The following JPH3 variants were observed in gnomAD, a reference collection of about 807,000 sequenced individuals.
The protein encoded by JPH3 is junctophilin-3.
JPH3 carries 11 observed loss-of-function variants against 59.6 expected under a neutral mutation model. The observed-to-expected ratio is 0.18, with a 90% CI of 0.12 to 0.31. JPH3 has a LOEUF of 0.31. JPH3 is among the 10% of genes least tolerant of loss of function. The probability of loss-of-function intolerance (pLI) is 1.00; values close to 1 mark genes in which losing one functional copy is unlikely to be tolerated. For synonymous variants in JPH3, 673 were observed against 483.6 expected, an observed-to-expected ratio of 1.39 and a Z score of -5.14; for missense variants, 1,202 against 1,105.7, an observed-to-expected ratio of 1.09 and a Z score of -1.24.
chr16:87,622,733 A>G (rs1214053120), intron 1 of JPH3, among the ~76,000 whole-genome samples: 2 of 123,876 alleles, frequency 1.6e-5, no homozygotes, highest in East Asian at 2.4e-4. Flanking sequence ...CTCCTGATAA[A>G]TCAGACCCCC....
chr16:87,667,627 C>A (rs1467464255), intron 2 of JPH3, among the ~76,000 whole-genome samples: 1 of 152,142 alleles, frequency 6.6e-6, no homozygotes, highest in East Asian at 1.9e-4. Flanking sequence ...CCTGTGACAG[C>A]GGGGGGTCTT....
chr16:87,656,047 G>T (rs2032491558), intron 2 of JPH3, among the ~76,000 whole-genome samples: 1 of 152,226 alleles, frequency 6.6e-6, no homozygotes, highest in South Asian at 2.1e-4. Context: ...GGGATTATTG[G>T]CAAGCTGCAC....
rs1290208696 is a variant in JPH3 at position 87,603,054 on chromosome 16, C to G, written c.-93C>G. ...GTCCTCCTCTCCTCCGGAAAACGCTCGCGACCCAGGGCCGCCGGCGGCCGC... is the reference window on the plus strand; with the variant it reads ...GTCCTCCTCTCCTCCGGAAAACGCTGGCGACCCAGGGCCGCCGGCGGCCGC... On this transcript the variant is annotated 5_prime_UTR_variant, in exon 1 of 5. Coordinates refer to ENST00000284262, the MANE Select transcript of JPH3 (RefSeq NM_020655.4). The G allele has an allele frequency of 1.3e-6, 2 of 1,535,498 alleles. No homozygotes were observed. Among genetic ancestry groups the G allele is most frequent in the Non-Finnish European group, 8.8e-7 (1 of 1,131,182 alleles).
intron 1 of JPH3, among the ~76,000 whole-genome samples, chr16:87,636,144 C>T (rs968284844): frequency 2.6e-5 from 4 of 152,302 alleles, no homozygotes; most frequent in African/African-American, 7.2e-5. Flanking sequence ...CAGTTAGGTT[C>T]GATGGGACAG....
intron 1 of JPH3, among the ~76,000 whole-genome samples, chr16:87,621,464 G>C (rs928347310): frequency 5.9e-5 from 9 of 152,224 alleles, no homozygotes; most frequent in African/African-American, 2.2e-4. Context: ...GGGCCTGGGG[G>C]CTTCTGAATC....
rs555251663 is a variant in JPH3 at position 87,682,670 on chromosome 16, G to A, written c.1161-1472G>A. ...AAGCAATGTCTGCTATTGATGAGCC[G>A]CCCAAGCTGCGGTGCTTTGTTGCAG... On this transcript the variant is annotated intron_variant, in intron 2 of 4. Coordinates refer to ENST00000284262, the MANE Select transcript of JPH3 (RefSeq NM_020655.4). Among the ~76,000 whole-genome samples the A allele has an allele frequency of 1.2e-4, 19 of 152,314 alleles. No individual in the cohort carries two copies. The South Asian group carries it at 1.5e-3, about 12-fold the overall frequency.
At chr16:87,623,476 C>T (rs1339298756) in intron 1 of JPH3, among the ~76,000 whole-genome samples, 3 of 152,150 alleles carry the variant, frequency 2.0e-5, no homozygotes, top group Non-Finnish European at 4.4e-5. Flanking sequence ...ACAGAGTCAC[C>T]GATGTGGCCA....
chr16:87,604,249 C>G (rs1259086749), intron 1 of JPH3: 24 of 1,453,574 alleles, frequency 1.7e-5, no homozygotes, highest in Non-Finnish European at 2.1e-5. Context: ...GATGCCACCG[C>G]ATTCGGGGCA....
At chr16:87,616,151 C>T (rs1351573700) in intron 1 of JPH3, among the ~76,000 whole-genome samples, 1 of 148,946 alleles carries the variant, frequency 6.7e-6, no homozygotes, top group African/African-American at 2.5e-5. Flanking sequence ...CCGGGAACGA[C>T]ATTGTCTGAT....
intron 2 of JPH3, among the ~76,000 whole-genome samples, chr16:87,669,245 G>A (rs187727625): frequency 6.6e-6 from 1 of 152,296 alleles, no homozygotes; most frequent in Non-Finnish European, 1.5e-5. Flanking sequence ...GCATGTTAGT[G>A]GGATTTGGGG....
intron 2 of JPH3, among the ~76,000 whole-genome samples, chr16:87,664,947 C>T (rs1567606043): frequency 6.6e-6 from 1 of 152,206 alleles, no homozygotes; most frequent in Non-Finnish European, 1.5e-5. Flanking sequence ...ATTTGCCTGT[C>T]CCCTGAAACC....
intron 1 of JPH3, among the ~76,000 whole-genome samples, chr16:87,636,838 C>T (rs61639133): frequency 0.02 from 3,059 of 152,314 alleles, 104 homozygotes; most frequent in African/African-American, 0.07. Flanking sequence ...GAGGTGGGTG[C>T]GATTGTCACC....
intron 4 of JPH3, among the ~76,000 whole-genome samples, chr16:87,692,819 G>A (rs907353469): frequency 9.5e-4 from 144 of 152,312 alleles, no homozygotes; most frequent in East Asian, 1.5e-3. Flanking sequence ...CCTGCGGGCA[G>A]CCACGCCCTC....
At chr16:87,682,609 C>G (rs1173421739) in intron 2 of JPH3, among the ~76,000 whole-genome samples, 1 of 152,218 alleles carries the variant, frequency 6.6e-6, no homozygotes, top group African/African-American at 2.4e-5. Flanking sequence ...CTGCTGGCAC[C>G]TTGATCTTGG....
chr16:87,663,737 C>G lies in JPH3; in HGVS notation c.1160+18702C>G, dbSNP rs374088204. On this transcript the variant is annotated intron_variant, in intron 2 of 4. Transcript: ENST00000284262. ...GTCTCTGCCACTCTGCACCAGCTCT[C>G]CAGCCCACCTCCCTCGGTAAACTTA... Among the ~76,000 whole-genome samples the G allele has an allele frequency of 3.9e-5, 6 of 152,226 alleles. No homozygotes were observed. In the East Asian group the frequency reaches 5.8e-4, roughly 15 times the overall value.
intron 1 of JPH3, among the ~76,000 whole-genome samples, chr16:87,612,994 C>G (rs1172689530): frequency 6.6e-6 from 1 of 151,514 alleles, no homozygotes; most frequent in East Asian, 2.0e-4. Flanking sequence ...CCCCTGCAGT[C>G]CGGCCTGGGT....
chr16:87,633,897 A>C (rs1026014235), intron 1 of JPH3, among the ~76,000 whole-genome samples: 1 of 147,276 alleles, frequency 6.8e-6, no homozygotes, highest in Non-Finnish European at 1.5e-5. Context: ...CATAACCCCA[A>C]ACCCTTGCTT....
At chr16:87,626,631 C>A (rs1017897656) in intron 1 of JPH3, among the ~76,000 whole-genome samples, 1 of 152,260 alleles carries the variant, frequency 6.6e-6, no homozygotes, top group African/African-American at 2.4e-5. Flanking sequence ...ACGCAGTCCT[C>A]GGCCTGAGGC....
rs115208052 is a variant in JPH3, at chr16:87,628,328, A to G, written c.383-15930A>G. On this transcript the variant is annotated intron_variant, in intron 1 of 4. Transcript: ENST00000284262. ...AGGGGCCAGAGCCCCCATGCTGGGC[A>G]CAGGGCTGCCACCTTGGGCGGTGCC... Among the ~76,000 whole-genome samples, 784 of 152,342 alleles carry G rather than the reference A, an allele frequency of 5.1e-3. 7 individuals are homozygous for G. The highest frequency in any genetic ancestry group is 0.018 in the African/African-American group (740 of 41,590).
Sources: allele counts gnomAD v4.1 joint callset (sites outside exome capture counted in the v4.1 genomes callset), GRCh38; gene constraint gnomAD v4.1.1; transcripts MANE v1.5; gene names NCBI Gene and HGNC (gene_info 2026-07-23, HGNC 2026-07-21).